Variants in TG observed in about 807,000 individuals in gnomAD.
TG encodes thyroid hormones.
TG carries 270 observed loss-of-function variants against 324.7 expected under a neutral mutation model. The observed-to-expected ratio is 0.83, with a 90% confidence interval of 0.75 to 0.92. The LOEUF (loss-of-function observed/expected upper bound fraction) is 0.92, where lower values mean the gene tolerates loss of function less well. Ranked by LOEUF, TG falls within the 40% of genes least tolerant of loss-of-function variation. The probability of loss-of-function intolerance (pLI) is 0.00; values close to 1 mark genes in which losing one functional copy is unlikely to be tolerated. For synonymous variants in TG, 1,401 were observed against 1,327.0 expected (o/e 1.06, Z -1.21); for missense variants, 3,591 against 3,456.4 (o/e 1.04, Z -0.98).
At chr8:132,924,825 T>C (rs1434193807) in intron 22 of TG, among the ~76,000 whole-genome samples, 1 of 152,246 alleles carries the variant, frequency 6.6e-6, no homozygotes. Context: ...TGGCATTACC[T>C]ACCAGCGGTA....
At chr8:133,055,342 T>A in intron 41 of TG, among the ~76,000 whole-genome samples, 1 of 149,464 alleles carries the variant, frequency 6.7e-6, no homozygotes, top group African/African-American at 2.5e-5. Flanking sequence ...AGTGTCATCT[T>A]CAGGACACAC....
chr8:132,918,435 G>C (rs1820680342), intron 20 of TG, among the ~76,000 whole-genome samples: 2 of 152,186 alleles, frequency 1.3e-5, no homozygotes, highest in Admixed American at 1.3e-4. Flanking sequence ...CTCTCGGAGG[G>C]AGGATATTAA....
intron 27 of TG, among the ~76,000 whole-genome samples, chr8:132,960,531 G>A (rs1827585773): frequency 6.6e-6 from 1 of 152,246 alleles, no homozygotes; most frequent in African/African-American, 2.4e-5. Flanking sequence ...AATCGGTTGA[G>A]TTGTGGCAGC....
intron 25 of TG, among the ~76,000 whole-genome samples, chr8:132,936,802 G>C (rs1434049629): frequency 6.6e-6 from 1 of 152,208 alleles, no homozygotes; most frequent in Non-Finnish European, 1.5e-5. Flanking sequence ...CATGCGCTCT[G>C]GGCCATGGCC....
chr8:132,990,875 C>T lies in TG; in HGVS notation c.6262+7463C>T, dbSNP rs144020782. ...GGTGGCTGTCGCTGCTCCAGTTTCCCGGGAATCATACTCTGAGATGAAGTT... is the reference window on the plus strand; with the variant it reads ...GGTGGCTGTCGCTGCTCCAGTTTCCTGGGAATCATACTCTGAGATGAAGTT... On this transcript the variant is annotated intron_variant, in intron 35 of 47. Coordinates refer to ENST00000220616, the MANE Select transcript of TG (RefSeq NM_003235.5). 5.5e-3 allele frequency among the ~76,000 whole-genome samples: 829 copies of T among 150,780 alleles called. 5 individuals are homozygous for T. Among genetic ancestry groups the T allele is most frequent in the Non-Finnish European group, 7.1e-3 (483 of 67,842 alleles).
intron 5 of TG, among the ~76,000 whole-genome samples, chr8:132,874,318 C>G (rs940270854): frequency 1.3e-5 from 2 of 152,178 alleles, no homozygotes; most frequent in Admixed American, 1.3e-4. Context: ...TTACAAATAA[C>G]TTTAAAAATG....
At chr8:133,097,435 A>G (rs1848594500) in intron 43 of TG, among the ~76,000 whole-genome samples, 2 of 152,238 alleles carry the variant, frequency 1.3e-5, no homozygotes, top group African/African-American at 4.8e-5. Flanking sequence ...TAACAGGGAA[A>G]TGGTTGACTA....
chr8:133,095,318 C>A, intron 42 of TG, 110 bp downstream of exon 42: 1 of 1,463,220 alleles, frequency 6.8e-7, no homozygotes. Flanking sequence ...ACACATGAGG[C>A]TGATGACCAA....
chr8:132,897,813 G>A (rs767469225), intron 12 of TG, 27 bp downstream of exon 12: 1 of 1,613,660 alleles, frequency 6.2e-7, no homozygotes, highest in Admixed American at 1.7e-5. Context: ...ACCTTCAGGT[G>A]GCCAAGTGAC....
At chr8:132,872,995 T>C in intron 4 of TG, 67 bp from the exon 5 acceptor site, 3 of 1,565,720 alleles carry the variant, frequency 1.9e-6, no homozygotes, top group South Asian at 1.1e-5. Context: ...CGAGTGCATA[T>C]GCTGCTCGAC....
chr8:133,078,170 T>C lies in TG; in HGVS notation c.7240-16874T>C, dbSNP rs78669533. On this transcript the variant is annotated intron_variant, in intron 41 of 47. Coordinates refer to ENST00000220616, the MANE Select transcript of TG (RefSeq NM_003235.5). ...CACCCATCCTTCCTCTCCACCATCATACACGTGACCCAAGAAGAGGAACTG... is the reference window on the plus strand; with the variant it reads ...CACCCATCCTTCCTCTCCACCATCACACACGTGACCCAAGAAGAGGAACTG... Among the ~76,000 whole-genome samples the C allele has an allele frequency of 2.9e-3, 440 of 152,310 alleles. 3 individuals are homozygous for C. Among genetic ancestry groups the C allele is most frequent in the African/African-American group, 0.01 (417 of 41,568 alleles).
At chr8:133,092,840 A>G (rs1327329917) in intron 41 of TG, among the ~76,000 whole-genome samples, 1 of 152,238 alleles carries the variant, frequency 6.6e-6, no homozygotes, top group East Asian at 1.9e-4. Context: ...TCCACGGTGA[A>G]AAAGGTTTCC....
chr8:132,920,562 G>A (rs1380813986), intron 21 of TG, among the ~76,000 whole-genome samples: 2 of 152,216 alleles, frequency 1.3e-5, no homozygotes, highest in Non-Finnish European at 2.9e-5. Flanking sequence ...ATCACCCTCA[G>A]TTTGTACACA....
intron 39 of TG, among the ~76,000 whole-genome samples, chr8:133,020,969 T>C (rs887262844): frequency 3.9e-5 from 6 of 152,138 alleles, no homozygotes; most frequent in Non-Finnish European, 7.4e-5. Context: ...GTCAGGACCT[T>C]GGATGGAGCA....
At chr8:133,086,421 G>A (rs2739171) in intron 41 of TG, among the ~76,000 whole-genome samples, 69,347 of 151,944 alleles carry the variant, frequency 0.46, 16,202 homozygotes, top group African/African-American at 0.51. Context: ...TTGAAATACT[G>A]GATAAATGTT....
At chr8:132,911,233 G>A (rs1819472185) in intron 18 of TG, 144 bp from the exon 19 acceptor site, 2 of 1,414,612 alleles carry the variant, frequency 1.4e-6, no homozygotes, top group East Asian at 2.3e-5. Context: ...GGAAAAGGGG[G>A]TCACTATTCC....
At chr8:133,030,157 C>A in intron 41 of TG, 134 bp downstream of exon 41, 1 of 1,134,884 alleles carries the variant, frequency 8.8e-7, no homozygotes, top group Non-Finnish European at 1.3e-6. Context: ...GTGGATGCTG[C>A]TTGGAGTTTT....
chr8:132,959,751 C>G (rs566480299), intron 27 of TG, among the ~76,000 whole-genome samples: 1 of 152,264 alleles, frequency 6.6e-6, no homozygotes, highest in South Asian at 2.1e-4. Context: ...ATCTGGAAAT[C>G]AGGGACCTTA....
rs1437292338 is a variant in TG at position 132,906,946 on chromosome 8, G to A, written c.3847+46G>A. 2.6e-6 allele frequency: 4 copies of A among 1,559,166 alleles called. No homozygotes were observed. The South Asian group carries it at 4.7e-5, about 18-fold the overall frequency. On this transcript the variant is annotated intron_variant, in intron 17 of 47. Transcript: ENST00000220616. The stretch of plus-strand genomic sequence containing the variant: ...TATCCTGCACCCCGCTCCCTCTCAG[G>A]GCTAGGGCTGGGACCGAGATATGGA...
Sources: allele counts gnomAD v4.1 joint callset (sites outside exome capture counted in the v4.1 genomes callset), GRCh38; gene constraint gnomAD v4.1.1; transcripts MANE v1.5; gene names NCBI Gene and HGNC (gene_info 2026-07-23, HGNC 2026-07-21).